NCKAP5: variants seen among roughly 807,000 people sequenced by gnomAD.
NCKAP5 encodes the protein NCK associated protein 5, also known as nck-associated protein 5.
A neutral mutation model predicts 167.0 loss-of-function variants in NCKAP5; 92 were observed. The ratio of observed to expected loss-of-function variants is 0.55; its 90% CI spans 0.47 to 0.66. The LOEUF (loss-of-function observed/expected upper bound fraction) is 0.66, where lower values mean the gene tolerates loss of function less well. Ranked by LOEUF, NCKAP5 falls within the 30% of genes least tolerant of loss-of-function variation. NCKAP5 has a pLI of 0.00. For missense variants in NCKAP5, 2,378 were observed against 2,315.0 expected (o/e 1.03, Z -0.56); for synonymous variants, 891 against 877.4 (o/e 1.02, Z -0.27).
At chr2:132,870,139 A>G (rs969038952) in intron 9 of NCKAP5, among the ~76,000 whole-genome samples, 2 of 152,164 alleles carry the variant, frequency 1.3e-5, no homozygotes, top group African/African-American at 4.8e-5. Flanking sequence ...AACCAGTAAC[A>G]TGTTCCTGGT....
chr2:133,515,935 G>A (rs1290031654), intron 3 of NCKAP5, among the ~76,000 whole-genome samples: 2 of 152,212 alleles, frequency 1.3e-5, no homozygotes, highest in African/African-American at 2.4e-5. Flanking sequence ...ATTTATTAAT[G>A]AGTGCTACTA....
chr2:132,839,684 A>G (rs1688151704), intron 11 of NCKAP5, among the ~76,000 whole-genome samples: 1 of 148,210 alleles, frequency 6.7e-6, no homozygotes, highest in East Asian at 2.0e-4. Flanking sequence ...CTTGGGCCCA[A>G]GAGGTTGAGG....
chr2:133,616,520 A>G, the NCKAP5 span, among the ~76,000 whole-genome samples: 1 of 151,404 alleles, frequency 6.6e-6, no homozygotes, highest in African/African-American at 2.4e-5. Context: ...AATACTACCA[A>G]CACCTCTACC....
At chr2:133,408,800 T>C (rs903505538) in intron 3 of NCKAP5, among the ~76,000 whole-genome samples, 2 of 152,148 alleles carry the variant, frequency 1.3e-5, no homozygotes, top group Admixed American at 1.3e-4. Flanking sequence ...TGGCCCTGCC[T>C]CCACCTTGAG....
chr2:133,583,823 A>G, the NCKAP5 span, among the ~76,000 whole-genome samples: 1 of 151,928 alleles, frequency 6.6e-6, no homozygotes, highest in Non-Finnish European at 1.5e-5. Context: ...GCGCGATCTC[A>G]GCTCACTGCA....
At chr2:133,020,050 G>T (rs552759836) in intron 6 of NCKAP5, among the ~76,000 whole-genome samples, 1 of 152,314 alleles carries the variant, frequency 6.6e-6, no homozygotes, top group South Asian at 2.1e-4. Flanking sequence ...TCAGAAAATA[G>T]TTACTAAATA....
At chr2:133,053,695 G>T (rs548854686) in intron 6 of NCKAP5, among the ~76,000 whole-genome samples, 1 of 152,190 alleles carries the variant, frequency 6.6e-6, no homozygotes, top group Non-Finnish European at 1.5e-5. Flanking sequence ...TCAAGTCCAA[G>T]TTGCTTACAG....
chr2:133,565,765 A>C (rs1688503657), intron 1 of NCKAP5, among the ~76,000 whole-genome samples: 1 of 152,268 alleles, frequency 6.6e-6, no homozygotes, highest in South Asian at 2.1e-4. Context: ...AGAAGAATTT[A>C]AAGCCAATCA....
chr2:133,250,358 C>T (rs545893395), intron 4 of NCKAP5, among the ~76,000 whole-genome samples: 1 of 152,266 alleles, frequency 6.6e-6, no homozygotes. Flanking sequence ...CCCTGGACAG[C>T]TCAGCCCTCT....
At chr2:133,347,601 A>T (rs1684067631) in intron 3 of NCKAP5, among the ~76,000 whole-genome samples, 1 of 150,316 alleles carries the variant, frequency 6.7e-6, no homozygotes, top group Non-Finnish European at 1.5e-5. Context: ...AATATAATAT[A>T]ATAAAGTATA....
intron 8 of NCKAP5, among the ~76,000 whole-genome samples, chr2:132,912,421 C>T (rs919996695): frequency 6.6e-6 from 1 of 152,182 alleles, no homozygotes; most frequent in Non-Finnish European, 1.5e-5. Flanking sequence ...TCTGCAGAGC[C>T]TTCAACCCTC....
At chr2:133,356,152 C>T (rs1684701415) in intron 3 of NCKAP5, among the ~76,000 whole-genome samples, 1 of 152,024 alleles carries the variant, frequency 6.6e-6, no homozygotes, top group South Asian at 2.1e-4. Context: ...GTCAAGAGCT[C>T]CTGGACTCAA....
chr2:133,365,460 G>A (rs1333982685), intron 3 of NCKAP5, among the ~76,000 whole-genome samples: 1 of 151,590 alleles, frequency 6.6e-6, no homozygotes, highest in Non-Finnish European at 1.5e-5. Context: ...CTACCTATGA[G>A]CCAGGATCAT....
chr2:132,846,485 A>T (rs909835044), intron 11 of NCKAP5, among the ~76,000 whole-genome samples: 15 of 151,990 alleles, frequency 9.9e-5, no homozygotes, highest in Non-Finnish European at 2.1e-4. Context: ...TTGTATTTTT[A>T]GTAGAGATGG....
intron 5 of NCKAP5, among the ~76,000 whole-genome samples, chr2:133,130,780 A>G (rs1307984614): frequency 6.6e-6 from 1 of 152,240 alleles, no homozygotes; most frequent in Non-Finnish European, 1.5e-5. Context: ...TAAAAAGCAC[A>G]CAGCTCAGAT....
chr2:133,615,894 G>T, the NCKAP5 span, among the ~76,000 whole-genome samples: 94,599 of 150,772 alleles, frequency 0.63, 30,752 homozygotes, highest in Middle Eastern at 0.78. Context: ...TGACCACATA[G>T]TTGGAAGTAA....
chr2:133,572,265 C>T (rs950656701), upstream of NCKAP5, among the ~76,000 whole-genome samples: 2 of 152,186 alleles, frequency 1.3e-5, no homozygotes, highest in Non-Finnish European at 2.9e-5. Flanking sequence ...ATGTGACCAC[C>T]ATTAATACTC....
intron 3 of NCKAP5, among the ~76,000 whole-genome samples, chr2:133,361,595 G>A (rs1299604721): frequency 6.6e-6 from 1 of 152,138 alleles, no homozygotes; most frequent in African/African-American, 2.4e-5. Flanking sequence ...TGAAGAAAAC[G>A]GACGTGAGCT....
intron 3 of NCKAP5, among the ~76,000 whole-genome samples, chr2:133,354,502 A>G (rs1364922622): frequency 6.6e-6 from 1 of 152,044 alleles, no homozygotes; most frequent in Non-Finnish European, 1.5e-5. Context: ...CAAAATCCCC[A>G]TCAGGCTTGG....
Sources: allele counts gnomAD v4.1 joint callset (sites outside exome capture counted in the v4.1 genomes callset), GRCh38; gene constraint gnomAD v4.1.1; transcripts MANE v1.5; gene names NCBI Gene and HGNC (gene_info 2026-07-23, HGNC 2026-07-21).